The following NCAPG variants were observed in gnomAD, a reference collection of about 807,000 sequenced individuals.
The protein encoded by NCAPG is condensin complex subunit 3.
Under a neutral mutation model 113.1 loss-of-function variants are expected in NCAPG, and 69 were observed. The observed-to-expected ratio is 0.61, with a 90% CI of 0.50 to 0.75. The LOEUF (loss-of-function observed/expected upper bound fraction) is 0.75. Ranked by LOEUF, NCAPG falls within the 30% of genes least tolerant of loss-of-function variation. The pLI, the probability that NCAPG is intolerant of heterozygous loss-of-function variation, is 0.00. For synonymous variants in NCAPG, 370 were observed against 415.8 expected (o/e 0.89, Z 1.34); for missense variants, 1,058 against 1,177.0 (o/e 0.90, Z 1.48).
chr4:17,839,235 C>T (rs546592314), intron 16 of NCAPG, among the ~76,000 whole-genome samples: 226 of 152,240 alleles, frequency 1.5e-3, no homozygotes, highest in African/African-American at 5.0e-3. Context: ...TAGGGAGTTC[C>T]GGAACTGGGA....
chr4:17,815,701 T>C (rs1359737636), intron 5 of NCAPG, among the ~76,000 whole-genome samples: 1 of 152,104 alleles, frequency 6.6e-6, no homozygotes, highest in Non-Finnish European at 1.5e-5. Context: ...ATTTTTATAT[T>C]TTTATAGAGA....
At position 17,812,829 on chromosome 4, in the gene NCAPG, G is replaced by A. The variant is rs185431220; in HGVS notation, c.316-88G>A. 3.0e-3 allele frequency: 3,300 copies of A among 1,108,036 alleles called. 8 individuals carry two copies. The highest frequency in any genetic ancestry group is 3.9e-3 in the Non-Finnish European group (2,972 of 753,262). 68.6% of individuals were successfully genotyped at this position (1,108,036 alleles called of 1,614,324 possible). On this transcript the variant is annotated intron_variant, in intron 2 of 20. Coordinates refer to ENST00000251496, the MANE Select transcript of NCAPG (RefSeq NM_022346.5). ...AAATGAATTGTTGTTGTAACTTCTT[G>A]CATTCCGAATGTATAGAGTTCAGAT...
chr4:17,835,829 A>G (rs530975457), intron 14 of NCAPG, among the ~76,000 whole-genome samples: 1 of 152,258 alleles, frequency 6.6e-6, no homozygotes, highest in East Asian at 1.9e-4. Context: ...CGAATACTCC[A>G]TTTTATGTAT....
Position 17,840,640 on chromosome 4 carries a change from G to C in NCAPG, c.2801G>C (p.Arg934Thr). ...KNKEVYMTPL[R>T]GVKATQASKS... Reference sequence around the variant, plus strand: ...AAAGAAGTATATATGACTCCACTCAGGGGTGTAAAAGCAACCCAAGCATCA... The same window carrying C: ...AAAGAAGTATATATGACTCCACTCACGGGTGTAAAAGCAACCCAAGCATCA... Residue 934 changes from arginine (R) to threonine (T), a missense_variant, in exon 19 of 21, where the codon AGG becomes ACG. Transcript: ENST00000251496. The C allele has an allele frequency of 6.4e-7, 1 of 1,557,624 alleles. No individual in the cohort carries two copies.
chr4:17,823,781 T>C lies in NCAPG; in HGVS notation c.1383+11T>C. On this transcript the variant is annotated intron_variant, in intron 9 of 20. Transcript: ENST00000251496. The stretch of plus-strand genomic sequence containing the variant: ...AAGAGAACACAAATTGTAAGTAATT[T>C]TCCTCATTGTTGATAAAGAGGTTTT... 6.3e-7 allele frequency: 1 copy of C among 1,583,646 alleles called. No individual in the cohort carries two copies. Among genetic ancestry groups the C allele is most frequent in the African/African-American group, 1.4e-5 (1 of 73,838 alleles).
At position 17,839,784 on chromosome 4, in the gene NCAPG, C is replaced by T. The variant is rs781047490; in HGVS notation, c.2575C>T (p.Leu859Phe). The T allele has an allele frequency of 5.0e-6, 8 of 1,588,528 alleles. No homozygotes were observed. Among genetic ancestry groups the T allele is most frequent in the Admixed American group, 2.0e-5 (1 of 50,694 alleles). The change falls in exon 17 of 21, where the codon CTC becomes TTC. Residue 859 changes from leucine (L) to phenylalanine (F), a missense_variant. By Grantham distance (22) the Leu-to-Phe change is conservative. Transcript: ENST00000251496. ...VYTKALSSLE[L>F]SSHLAKDLLV... ...TACAAAAGCCTTGAGTTCTTTAGAACTCAGTAGCCATCTTGCAAAAGATCT... is the reference window on the plus strand; with the variant it reads ...TACAAAAGCCTTGAGTTCTTTAGAATTCAGTAGCCATCTTGCAAAAGATCT...
intron 5 of NCAPG, 137 bp downstream of exon 5, chr4:17,815,495 A>G: frequency 1.6e-6 from 1 of 614,888 alleles, no homozygotes; most frequent in Non-Finnish European, 2.8e-6. Flanking sequence ...ATCTTGATGT[A>G]TTATATAGAA....
chr4:17,837,610 A>C lies in NCAPG; in HGVS notation c.2292-17A>C, dbSNP rs1190893849. ...AATAATGTTCTGCCAACATACTTTG[A>C]ATTTGTTTCTCAATAGGACTAATCA... is the stretch of plus-strand genomic sequence containing the variant. On this transcript the variant is annotated splice_polypyrimidine_tract_variant and intron_variant, in intron 15 of 20. Coordinates refer to ENST00000251496, the MANE Select transcript of NCAPG (RefSeq NM_022346.5). 2 of 1,596,888 alleles carry C rather than the reference A, an allele frequency of 1.3e-6. No homozygotes were observed. The highest frequency in any genetic ancestry group is 1.7e-6 in the Non-Finnish European group (2 of 1,172,624).
At chr4:17,843,114 T>C (rs962550049) in intron 20 of NCAPG, 188 bp from the exon 21 acceptor site, 1 of 510,902 alleles carries the variant, frequency 2.0e-6, no homozygotes, top group Non-Finnish European at 3.4e-6. Context: ...TTTTCCCTGA[T>C]TCACTTTGCT....
chr4:17,813,165 T>C lies in NCAPG; in HGVS notation c.544+20T>C, dbSNP rs1482461116. 4 of 1,563,872 alleles carry C rather than the reference T, an allele frequency of 2.6e-6. No homozygotes were observed. In the East Asian group the frequency reaches 6.7e-5, roughly 26 times the overall value. On this transcript the variant is annotated intron_variant, in intron 3 of 20. Transcript: ENST00000251496. ...TTAATGGTGTGTGTAGTTTCCTAAATCTTTTTTCAGATTTGTTGATTTTGT... is the reference window on the plus strand; with the variant it reads ...TTAATGGTGTGTGTAGTTTCCTAAACCTTTTTTCAGATTTGTTGATTTTGT...
At chr4:17,820,682 C>CT (rs1721419856) in intron 7 of NCAPG, among the ~76,000 whole-genome samples, 3 of 152,058 alleles carry the variant, frequency 2.0e-5, no homozygotes, top group Admixed American at 2.0e-4. Context: ...GAATGAGTGT[C>CT]TTTTTGGAGG....
In NCAPG at chr4:17,818,053, G is replaced by T; in HGVS notation, c.1083G>T (p.Leu361Phe). 1 of 1,613,176 alleles carries T rather than the reference G, an allele frequency of 6.2e-7. No individual in the cohort carries two copies. The highest frequency in any genetic ancestry group is 8.5e-7 in the Non-Finnish European group (1 of 1,179,646). ...DEGEEFLEQI[L>F]PEPVVYADYL... is the part of the protein sequence containing the mutation. ...GTGAAGAATTTTTAGAGCAGATTTT[G>T]CCAGAGCCTGTAGTATATGCAGACT... The change falls in exon 7 of 21, where the codon TTG becomes TTT. Residue 361 changes from leucine (L) to phenylalanine (F), a missense_variant. Transcript: ENST00000251496.
In NCAPG at chr4:17,839,735, G is replaced by C. The variant is rs144418633; in HGVS notation, c.2526G>C (p.Pro842=). Residue 842 remains proline (P), a synonymous_variant, in exon 17 of 21, where the codon CCG becomes CCC. Coordinates refer to ENST00000251496, the MANE Select transcript of NCAPG (RefSeq NM_022346.5). ...TTTGCAATGAGATCTTAACAAGTCC[G>C]TGCTCGCCAGAAATTCGAGTCTATA... ...MKICNEILTS[P]CSPEIRVYTK... 1 of 1,585,602 alleles carries C rather than the reference G, an allele frequency of 6.3e-7. No individual in the cohort carries two copies. The highest frequency in any genetic ancestry group is 2.0e-5 in the Admixed American group (1 of 50,272).
At chr4:17,838,213 A>G (rs1175538771) in intron 16 of NCAPG, among the ~76,000 whole-genome samples, 1 of 152,190 alleles carries the variant, frequency 6.6e-6, no homozygotes, top group East Asian at 1.9e-4. Flanking sequence ...AGATAAATCA[A>G]TTGCACACTG....
At chr4:17,839,451 T>C (rs1424741022) in intron 16 of NCAPG, among the ~76,000 whole-genome samples, 1 of 152,098 alleles carries the variant, frequency 6.6e-6, no homozygotes, top group Admixed American at 6.5e-5. Flanking sequence ...TGAGTGCATC[T>C]TTCCTAAAGG....
chr4:17,839,678 C>G lies in NCAPG; in HGVS notation c.2469C>G (p.Ala823=). The change falls in exon 17 of 21, where the codon GCC becomes GCG. Residue 823 remains alanine, a splice_region_variant and synonymous_variant. Transcript: ENST00000251496. ...AGAATTTTCTCTTAATTTTTTAGGC[C>G]TTAACAGTACATGACAATTTGGCTA... ...PQAKTSQDYQ[A]LTVHDNLAMK... The G allele has an allele frequency of 3.3e-6, 5 of 1,518,620 alleles. No homozygotes were observed. The highest frequency in any genetic ancestry group is 4.4e-6 in the Non-Finnish European group (5 of 1,141,030). 94.1% of individuals were successfully genotyped at this position (1,518,620 alleles called of 1,614,324 possible).
At chr4:17,842,209 T>C in intron 19 of NCAPG, 101 bp from the exon 20 acceptor site, 1 of 952,204 alleles carries the variant, frequency 1.1e-6, no homozygotes, top group Non-Finnish European at 1.7e-6. Context: ...GTTGAAAGGA[T>C]TGTTGTGTTG....
In NCAPG at chr4:17,834,542, C is replaced by G; in HGVS notation, c.2109+19C>G. On this transcript the variant is annotated intron_variant, in intron 14 of 20. Coordinates refer to ENST00000251496, the MANE Select transcript of NCAPG (RefSeq NM_022346.5). ...TAGTGAGGTAAGAAATAATCCAGTC[C>G]TGTGATTATGAAATGTCATTTTCAG... The G allele has an allele frequency of 7.1e-7, 1 of 1,418,036 alleles. No homozygotes were observed. The highest frequency in any genetic ancestry group is 9.5e-7 in the Non-Finnish European group (1 of 1,053,734). 87.8% of individuals were successfully genotyped at this position (1,418,036 alleles called of 1,614,324 possible). A position where few individuals can be genotyped will look rare whatever the true frequency, so the allele number is the denominator to read the frequency against.
chr4:17,831,877 G>T (rs1268212547), intron 13 of NCAPG, among the ~76,000 whole-genome samples: 1 of 152,202 alleles, frequency 6.6e-6, no homozygotes, highest in Non-Finnish European at 1.5e-5. Flanking sequence ...TTGAGTAGAA[G>T]ATTGTTATGA....
Sources: allele counts gnomAD v4.1 joint callset (sites outside exome capture counted in the v4.1 genomes callset), GRCh38; gene constraint gnomAD v4.1.1; transcripts MANE v1.5; gene names NCBI Gene and HGNC (gene_info 2026-07-23, HGNC 2026-07-21).